Variants in GNPTAB observed in about 807,000 individuals in gnomAD.
The protein encoded by GNPTAB is N-acetylglucosamine-1-phosphate transferase subunits alpha and beta, also known as N-acetylglucosamine-1-phosphotransferase subunits alpha/beta.
In GNPTAB, 92 loss-of-function variants were observed where a neutral mutation model predicts 136.6. That is an observed-to-expected ratio of 0.67 (90% CI 0.57 to 0.80). The LOEUF (loss-of-function observed/expected upper bound fraction) is 0.80. Ranked by LOEUF, GNPTAB falls within the 30% of genes least tolerant of loss-of-function variation. The probability of loss-of-function intolerance (pLI) is 0.00; values close to 1 mark genes in which losing one functional copy is unlikely to be tolerated. For synonymous variants in GNPTAB, 512 were observed against 535.1 expected (o/e 0.96, Z 0.60); for missense variants, 1,343 against 1,501.8 (o/e 0.89, Z 1.75).
rs532869557 is a variant in GNPTAB, at chr12:101,792,733, G to A, written c.204-2676C>T. On this transcript the variant is annotated intron_variant, in intron 2 of 20. Transcript: ENST00000299314. Reference sequence around the variant, plus strand: ...TAAGGAATCCTGATTGTACTGTGCTGTGCTATTTTCCATGCAGCCCTATCT... The same window carrying A: ...TAAGGAATCCTGATTGTACTGTGCTATGCTATTTTCCATGCAGCCCTATCT... Among the ~76,000 whole-genome samples, 10 of 152,154 alleles carry A rather than the reference G, an allele frequency of 6.6e-5. No homozygotes were observed. The South Asian group carries it at 1.7e-3, about 25-fold the overall frequency.
At chr12:101,753,978 A>C (rs7975097) in intron 18 of GNPTAB, among the ~76,000 whole-genome samples, 39,131 of 151,774 alleles carry the variant, frequency 0.26, 5,470 homozygotes, top group East Asian at 0.33. Flanking sequence ...GGCGAAACCT[A>C]TCTCTACTAC....
intron 19 of GNPTAB, among the ~76,000 whole-genome samples, chr12:101,751,238 A>G (rs940343047): frequency 1.3e-5 from 2 of 152,228 alleles, no homozygotes; most frequent in African/African-American, 2.4e-5. Context: ...TCTTTCTTAC[A>G]TGGAAGTGTC....
chr12:101,780,685 G>C, intron 5 of GNPTAB, 64 bp from the exon 6 acceptor site: 1 of 1,052,110 alleles, frequency 9.5e-7, no homozygotes, highest in Non-Finnish European at 1.5e-6. Flanking sequence ...GTGTCTGGCA[G>C]AACACTGTGA....
chr12:101,765,857 G>T lies in GNPTAB; in HGVS notation c.1612+234C>A, dbSNP rs1016477079. 8.0e-6 allele frequency: 4 copies of T among 497,648 alleles called. No homozygotes were observed. The Admixed American group carries it at 9.7e-5, about 12-fold the overall frequency. The allele number at this position is 497,648 out of a possible 1,614,324, so 30.8% of individuals were successfully genotyped here. On this transcript the variant is annotated intron_variant, in intron 12 of 20. Transcript: ENST00000299314. ...ACATATTTTCAGCTAAGGTAAATCT[G>T]CTTGGTCCAAACAAAACAAAACAAA...
intron 1 of GNPTAB, among the ~76,000 whole-genome samples, chr12:101,801,916 T>C (rs1869660961): frequency 6.6e-6 from 1 of 151,264 alleles, no homozygotes; most frequent in Non-Finnish European, 1.5e-5. Flanking sequence ...TAGCCAGGCA[T>C]GGTGGCGCAC....
chr12:101,760,990 AGGTT>A, intron 15 of GNPTAB, 133 bp downstream of exon 15: 1 of 690,336 alleles, frequency 1.4e-6, no homozygotes, highest in South Asian at 1.6e-5. Context: ...CGTGTTGCCC[AGGTT>A]GGTCTCGAAC....
In GNPTAB at chr12:101,813,852, G is replaced by A. The variant is rs140248077; in HGVS notation, c.117+16707C>T. On this transcript the variant is annotated intron_variant, in intron 1 of 20. Coordinates refer to ENST00000299314, the MANE Select transcript of GNPTAB (RefSeq NM_024312.5). The stretch of plus-strand genomic sequence containing the variant: ...TCCCAGCACTTTGGGAGGTTGAGAC[G>A]GGCAGATCACAAGGTCAGGAGTTTG... Among the ~76,000 whole-genome samples the A allele has an allele frequency of 1.2e-3, 182 of 152,186 alleles. 1 individual carries two copies. Among genetic ancestry groups the A allele is most frequent in the African/African-American group, 4.0e-3 (168 of 41,510 alleles).
rs1459290829 is a variant in GNPTAB at position 101,774,275 on chromosome 12, T to C, written c.772-3118A>G. On this transcript the variant is annotated intron_variant, in intron 7 of 20. Coordinates refer to ENST00000299314, the MANE Select transcript of GNPTAB (RefSeq NM_024312.5). ...TGTTGTAGAACCCAAGAAAAAAATG[T>C]TAATTCAGAAAAATATGTTAATTCT... Among the ~76,000 whole-genome samples the C allele has an allele frequency of 2.6e-5, 4 of 152,178 alleles. No individual in the cohort carries two copies. In the East Asian group the frequency reaches 7.7e-4, roughly 29 times the overall value.
At chr12:101,760,924 C>T (rs1282431329) in intron 15 of GNPTAB, among the ~76,000 whole-genome samples, 2 of 151,832 alleles carry the variant, frequency 1.3e-5, no homozygotes, top group African/African-American at 2.4e-5. Flanking sequence ...GAATGACAGG[C>T]GCATGCCACC....
At chr12:101,822,394 A>G (rs1027519026) in intron 1 of GNPTAB, among the ~76,000 whole-genome samples, 5 of 152,226 alleles carry the variant, frequency 3.3e-5, no homozygotes, top group Non-Finnish European at 5.9e-5. Context: ...AACCTGGGCG[A>G]CAGCGAGACT....
At chr12:101,778,799 T>C (rs1247661787) in intron 7 of GNPTAB, 5 of 151,906 alleles carry the variant, frequency 3.3e-5, no homozygotes, top group African/African-American at 1.2e-4. Context: ...CCCAGCTATT[T>C]GGAGGCTGAG....
intron 2 of GNPTAB, among the ~76,000 whole-genome samples, chr12:101,791,071 T>C (rs1372789654): frequency 1.3e-5 from 2 of 152,224 alleles, no homozygotes. Flanking sequence ...AATAAGTATA[T>C]GCTGACATAT....
chr12:101,824,433 T>TATATATATATATATATATATATATA (rs1423746036), intron 1 of GNPTAB, among the ~76,000 whole-genome samples: 8 of 90,666 alleles, frequency 8.8e-5, no homozygotes, highest in East Asian at 5.8e-4. Flanking sequence ...TATATATATA[T>TATATATATATATATATATATATATA]TTTCTTTTTT....
At position 101,749,127 on chromosome 12, in the gene GNPTAB, T is replaced by G. The variant is rs1952778652; in HGVS notation, c.3667A>C (p.Thr1223Pro). ...TGCTCAGCAAAAAATGAGAATATAG[T>G]AAACATAATCAATGTTGCTAGTACA... is the stretch of plus-strand genomic sequence containing the variant. ...HCVLATLIMF[T>P]IFSFFAEQLI... is the part of the protein sequence containing the mutation. The change falls in exon 20 of 21, where the codon ACT (threonine) becomes CCT (proline). Residue 1223 changes from threonine (T) to proline (P), a missense_variant. Physicochemically the swap from Thr to Pro is conservative, Grantham distance 38. Transcript: ENST00000299314. The G allele has an allele frequency of 6.2e-7, 1 of 1,610,316 alleles. No individual in the cohort carries two copies.
Position 101,796,731 on chromosome 12 carries a change from T to C in GNPTAB, c.149A>G (p.His50Arg). Residue 50 changes from histidine to arginine, a missense_variant, in exon 2 of 21, where the codon CAT (histidine) becomes CGT (arginine). Transcript: ENST00000299314. The part of the protein sequence containing the change: ...VVLEWSRDQY[H>R]VLFDSYRDNI... ...GTCTCTATAGGAATCAAACAAAACA[T>C]GGTATTGATCTCGGCTCCATTCCAG... The C allele has an allele frequency of 6.2e-7, 1 of 1,613,168 alleles. No homozygotes were observed. The highest frequency in any genetic ancestry group is 8.5e-7 in the Non-Finnish European group (1 of 1,179,340).
intron 1 of GNPTAB, among the ~76,000 whole-genome samples, chr12:101,812,949 A>G (rs1870314497): frequency 6.7e-6 from 1 of 149,788 alleles, no homozygotes; most frequent in East Asian, 2.0e-4. Context: ...GACTACAAAC[A>G]TGTGCCACCA....
At chr12:101,758,456 C>T (rs918358172) in intron 16 of GNPTAB, among the ~76,000 whole-genome samples, 2 of 152,316 alleles carry the variant, frequency 1.3e-5, no homozygotes, top group African/African-American at 4.8e-5. Context: ...ACTATAGGCA[C>T]GTGCCACCGT....
At chr12:101,817,781 G>A (rs76637359) in intron 1 of GNPTAB, among the ~76,000 whole-genome samples, 1,794 of 152,174 alleles carry the variant, frequency 0.012, 38 homozygotes, top group African/African-American at 0.041. Flanking sequence ...GGAACATAGC[G>A]AGATCCTGTC....
chr12:101,795,969 C>T (rs1224297359), intron 2 of GNPTAB: 1 of 367,468 alleles, frequency 2.7e-6, no homozygotes, highest in East Asian at 4.3e-5. Context: ...AAAAAAAAAT[C>T]CCCAAAGACA....
Sources: gnomAD v4.1 joint callset for allele counts (sites outside exome capture counted in the v4.1 genomes callset) on GRCh38, gnomAD v4.1.1 for gene constraint, MANE v1.5 for transcripts, NCBI Gene and HGNC (gene_info 2026-07-23, HGNC 2026-07-21) for gene names.